NEDD4L: variants seen among roughly 807,000 people sequenced by gnomAD.
NEDD4L encodes the protein NEDD4 like E3 ubiquitin protein ligase, also known as E3 ubiquitin-protein ligase NEDD4-like.
Under a neutral mutation model 148.9 loss-of-function variants are expected in NEDD4L, and 54 were observed. The observed-to-expected ratio is 0.36, with a 90% CI of 0.29 to 0.45. NEDD4L has a LOEUF of 0.45. Ranked by LOEUF, NEDD4L falls within the 20% of genes least tolerant of loss-of-function variation. NEDD4L has a pLI of 1.00. For missense variants in NEDD4L, 856 were observed against 1,233.8 expected, an observed-to-expected ratio of 0.69 and a Z score of 4.59; for synonymous variants, 433 against 440.7, an observed-to-expected ratio of 0.98 and a Z score of 0.22.
At chr18:58,050,336 G>C (rs913326375) in intron 1 of NEDD4L, among the ~76,000 whole-genome samples, 1 of 151,910 alleles carries the variant, frequency 6.6e-6, no homozygotes, top group East Asian at 1.9e-4. Context: ...TGGGTGTGGT[G>C]GTGGACACCT....
chr18:58,204,354 A>G (rs1159179644), intron 2 of NEDD4L, among the ~76,000 whole-genome samples: 2 of 152,196 alleles, frequency 1.3e-5, no homozygotes, highest in Non-Finnish European at 2.9e-5. Flanking sequence ...AGCTGACTTT[A>G]TCATAGATCT....
chr18:58,313,902 C>T (rs2057972105), intron 5 of NEDD4L, among the ~76,000 whole-genome samples: 1 of 152,220 alleles, frequency 6.6e-6, no homozygotes, highest in Non-Finnish European at 1.5e-5. Context: ...CATGGGCAGC[C>T]TTTCAAAGCT....
chr18:58,044,625 G>T lies in NEDD4L; in HGVS notation c.-36G>T. The T allele has an allele frequency of 6.4e-7, 1 of 1,574,052 alleles. No individual in the cohort carries two copies. Among genetic ancestry groups the T allele is most frequent in the Non-Finnish European group, 8.6e-7 (1 of 1,161,194 alleles). On this transcript the variant is annotated 5_prime_UTR_variant, in exon 1 of 31. Transcript: ENST00000400345. ...CCGTCCGCGCCGCAGCACAGCCGCT[G>T]GGAGCGCCTCAGACCCCGCGCGGGG...
At chr18:58,045,691 G>A (rs946991827) in intron 1 of NEDD4L, 1 of 152,510 alleles carries the variant, frequency 6.6e-6, no homozygotes, top group Non-Finnish European at 1.5e-5. Context: ...GATGGAGCAG[G>A]TAGGAGTGGT....
chr18:58,147,539 C>A (rs1423738100), intron 1 of NEDD4L, among the ~76,000 whole-genome samples: 1 of 152,134 alleles, frequency 6.6e-6, no homozygotes, highest in Non-Finnish European at 1.5e-5. Context: ...CTTCACTGTC[C>A]CTTTCTGTAC....
rs1287667363 is a variant in NEDD4L, at chr18:58,400,915, T to C, written c.*4646T>C. 1 of 152,226 alleles carries C rather than the reference T, an allele frequency of 6.6e-6. No individual in the cohort carries two copies. The highest frequency in any genetic ancestry group is 1.5e-5 in the Non-Finnish European group (1 of 68,050). The allele number at this position is 152,226 out of a possible 1,614,324, so 9.4% of individuals were successfully genotyped here. A position where few individuals can be genotyped will look rare whatever the true frequency, so the allele number is the denominator to read the frequency against. On this transcript the variant is annotated 3_prime_UTR_variant, in exon 31 of 31. Transcript: ENST00000400345. ...TATGTAATATATATACATATATACGTACATATGCTGTCCAAATATATTTGT... is the reference window on the plus strand; with the variant it reads ...TATGTAATATATATACATATATACGCACATATGCTGTCCAAATATATTTGT...
rs187671089 is a variant in NEDD4L, at chr18:58,332,285, G to T, written c.990+1371G>T. On this transcript the variant is annotated intron_variant, in intron 11 of 30. Transcript: ENST00000400345. ...ATACAATGTTGTATTATTTCACATC[G>T]TGTTCACTGTTAAATGAGAGTCAAA... 3.9e-5 allele frequency among the ~76,000 whole-genome samples: 6 copies of T among 152,206 alleles called. No individual in the cohort carries two copies. In the East Asian group the frequency reaches 9.6e-4, roughly 24 times the overall value.
At chr18:58,063,949 C>T (rs1302563475) in intron 1 of NEDD4L, among the ~76,000 whole-genome samples, 4 of 129,826 alleles carry the variant, frequency 3.1e-5, no homozygotes, top group Admixed American at 1.5e-4. Context: ...TATAATGTTT[C>T]TTTTTTTTTT....
intron 5 of NEDD4L, among the ~76,000 whole-genome samples, chr18:58,287,045 C>T (rs1456075987): frequency 6.6e-6 from 1 of 151,208 alleles, no homozygotes; most frequent in Non-Finnish European, 1.5e-5. Context: ...GCTTAGAGTG[C>T]TGATAATACT....
chr18:58,390,424 A>G (rs2049655574), intron 28 of NEDD4L: 2 of 445,856 alleles, frequency 4.5e-6, no homozygotes, highest in South Asian at 4.6e-5. Flanking sequence ...ATTTTGGCCT[A>G]TTGGCAGAAG....
At chr18:58,286,703 A>T (rs1253417460) in intron 5 of NEDD4L, among the ~76,000 whole-genome samples, 2 of 152,216 alleles carry the variant, frequency 1.3e-5, no homozygotes, top group African/African-American at 4.8e-5. Flanking sequence ...CTGGTAGCTG[A>T]TCCATAGCAC....
At chr18:58,327,247 G>A (rs894789622) in intron 9 of NEDD4L, among the ~76,000 whole-genome samples, 3 of 152,104 alleles carry the variant, frequency 2.0e-5, no homozygotes, top group Non-Finnish European at 4.4e-5. Flanking sequence ...ACAGGCGCCC[G>A]CCGCCATGCC....
At chr18:58,122,297 C>T (rs530955727) in intron 1 of NEDD4L, among the ~76,000 whole-genome samples, 6 of 152,280 alleles carry the variant, frequency 3.9e-5, no homozygotes, top group South Asian at 2.1e-4. Flanking sequence ...GTCAGGAGTT[C>T]GAGACCAGTC....
At chr18:58,102,239 G>T (rs1346364276) in intron 1 of NEDD4L, among the ~76,000 whole-genome samples, 1 of 152,104 alleles carries the variant, frequency 6.6e-6, no homozygotes, top group Non-Finnish European at 1.5e-5. Context: ...CAGAGGGGTG[G>T]GGGGTGGTGA....
At chr18:58,273,783 G>T (rs2148852165) in intron 5 of NEDD4L, among the ~76,000 whole-genome samples, 1 of 152,336 alleles carries the variant, frequency 6.6e-6, no homozygotes, top group South Asian at 2.1e-4. Context: ...AGACCAAAAT[G>T]GTAGACTGCA....
chr18:58,094,539 A>G (rs112379663), intron 1 of NEDD4L, among the ~76,000 whole-genome samples: 3 of 151,842 alleles, frequency 2.0e-5, no homozygotes, highest in African/African-American at 7.2e-5. Context: ...GACTGCACCC[A>G]TTTCACCCGG....
At chr18:58,059,006 G>T (rs1317309583) in intron 1 of NEDD4L, among the ~76,000 whole-genome samples, 1 of 152,238 alleles carries the variant, frequency 6.6e-6, no homozygotes, top group Non-Finnish European at 1.5e-5. Flanking sequence ...CATGAGGTCA[G>T]TTGGTCAAAG....
rs78315548 is a variant in NEDD4L, at chr18:58,225,873, C to G, written c.123-19554C>G. 2.6e-5 allele frequency among the ~76,000 whole-genome samples: 4 copies of G among 152,304 alleles called. No individual in the cohort carries two copies. In the East Asian group the frequency reaches 5.8e-4, roughly 22 times the overall value. ...CATAAAGAAATCAGGGTAAGGCCAT[C>G]ACAATTACATGGGTGGATGATCTTT... On this transcript the variant is annotated intron_variant, in intron 2 of 30. Transcript: ENST00000400345.
chr18:58,311,939 C>G (rs1489152290), intron 5 of NEDD4L, among the ~76,000 whole-genome samples: 1 of 152,156 alleles, frequency 6.6e-6, no homozygotes, highest in Non-Finnish European at 1.5e-5. Context: ...TGGCAGCATA[C>G]CCCTCTGCAT....
Sources: gnomAD v4.1 joint callset for allele counts (sites outside exome capture counted in the v4.1 genomes callset) on GRCh38, gnomAD v4.1.1 for gene constraint, MANE v1.5 for transcripts, NCBI Gene and HGNC (gene_info 2026-07-23, HGNC 2026-07-21) for gene names.